SLX9: variants seen among roughly 807,000 people sequenced by gnomAD.
The protein encoded by SLX9 is ribosome biogenesis protein SLX9 homolog.
SLX9 carries 19 observed loss-of-function variants against 20.8 expected under a neutral mutation model. The observed-to-expected ratio is 0.91, with a 90% CI of 0.64 to 1.34. The LOEUF (loss-of-function observed/expected upper bound fraction) is 1.34. SLX9 is among the 40% of genes most tolerant of loss of function. The probability of loss-of-function intolerance (pLI) is 0.00; values close to 1 mark genes in which losing one functional copy is unlikely to be tolerated. For synonymous variants in SLX9, 113 were observed against 137.1 expected (o/e 0.82, Z 1.23); for missense variants, 299 against 322.2 (o/e 0.93, Z 0.55).
In SLX9 at chr21:44,969,699, C is replaced by T. The variant is rs147284397; in HGVS notation, c.500+2518C>T. On this transcript the variant is annotated intron_variant, in intron 4 of 5. Transcript: ENST00000291634. ...TGCTCTGACATGAGTGTGGTACGTT[C>T]GTCACATGGAAGGAACCAGTATCAA... is the stretch of plus-strand genomic sequence containing the variant. Among the ~76,000 whole-genome samples the T allele has an allele frequency of 1.8e-3, 267 of 152,324 alleles. 12 individuals are homozygous for T. The East Asian group carries it at 0.042, about 24-fold the overall frequency.
In SLX9 at chr21:44,940,269, CCGCGACCCCG is replaced by C. The variant is rs2084516113; in HGVS notation, c.129+84_129+93del. On this transcript the variant is annotated intron_variant, in intron 1 of 5. Coordinates refer to ENST00000291634, the MANE Select transcript of SLX9 (RefSeq NM_058190.4). ...GCGGGGCGCCGCCTCCGGGAGGGTTCCGCGACCCCGGCCTTCCCTCGGGCTCTGCGGGCAT... is the reference window on the plus strand; with the variant it reads ...GCGGGGCGCCGCCTCCGGGAGGGTTCGCCTTCCCTCGGGCTCTGCGGGCAT... The C allele has an allele frequency of 2.5e-6, 3 of 1,191,214 alleles. No homozygotes were observed. In the East Asian group the frequency reaches 1.1e-4, roughly 43 times the overall value. The allele number at this position is 1,191,214 out of a possible 1,614,324, so 73.8% of individuals were successfully genotyped here.
At chr21:44,972,376 G>C (rs146442513) in intron 4 of SLX9, among the ~76,000 whole-genome samples, 1 of 152,176 alleles carries the variant, frequency 6.6e-6, no homozygotes, top group Non-Finnish European at 1.5e-5. Flanking sequence ...GAAGCTCCGC[G>C]GGCAGCCGGA....
chr21:44,946,394 C>A (rs2084642942), intron 2 of SLX9, among the ~76,000 whole-genome samples: 1 of 152,202 alleles, frequency 6.6e-6, no homozygotes, highest in African/African-American at 2.4e-5. Context: ...TGCTTGTGTG[C>A]AGGTGTTTCC....
intron 4 of SLX9, among the ~76,000 whole-genome samples, chr21:44,970,484 G>GT (rs1177651318): frequency 2.0e-5 from 3 of 152,180 alleles, no homozygotes; most frequent in Non-Finnish European, 4.4e-5. Context: ...CAGTCCTGCT[G>GT]TTTCTCTAGG....
chr21:44,943,575 G>A, intron 1 of SLX9, 109 bp from the exon 2 acceptor site: 2 of 1,433,892 alleles, frequency 1.4e-6, no homozygotes, highest in Non-Finnish European at 9.5e-7. Context: ...GAGAAGCTGG[G>A]GAATCCAGGT....
chr21:44,948,609 G>A (rs1312590836), intron 2 of SLX9, among the ~76,000 whole-genome samples: 2 of 152,164 alleles, frequency 1.3e-5, no homozygotes, highest in East Asian at 3.9e-4. Flanking sequence ...CCCTGGAGCA[G>A]AGGATGTTGG....
rs764673084 is a variant in SLX9 at position 44,943,649 on chromosome 21, CTCT to C, written c.130-30_130-28del. On this transcript the variant is annotated intron_variant, in intron 1 of 5. Coordinates refer to ENST00000291634, the MANE Select transcript of SLX9 (RefSeq NM_058190.4). ...TGAAACCACAGAGCAAGTCTCACAC[CTCT>C]TCTTTTCGTCCGTTTTTGTTGGGGA... The C allele has an allele frequency of 3.6e-5, 58 of 1,609,400 alleles. 1 individual carries two copies. In the East Asian group the frequency reaches 4.7e-4, roughly 13 times the overall value.
At chr21:44,944,645 G>A (rs2084610709) in intron 2 of SLX9, among the ~76,000 whole-genome samples, 1 of 152,362 alleles carries the variant, frequency 6.6e-6, no homozygotes, top group African/African-American at 2.4e-5. Flanking sequence ...GAAGTCATAG[G>A]TTGGGGAGGG....
chr21:44,975,848 T>C (rs938635415), intron 5 of SLX9, among the ~76,000 whole-genome samples: 2 of 152,248 alleles, frequency 1.3e-5, no homozygotes, highest in Non-Finnish European at 2.9e-5. Context: ...CCTCTGTGGC[T>C]CTGGTGTGTG....
chr21:44,963,852 T>C (rs1263555590), intron 3 of SLX9, among the ~76,000 whole-genome samples: 1 of 152,246 alleles, frequency 6.6e-6, no homozygotes, highest in Non-Finnish European at 1.5e-5. Context: ...AAGTCCTTTT[T>C]GTTGGTTCGT....
chr21:44,952,680 C>T (rs919256112), intron 2 of SLX9, among the ~76,000 whole-genome samples: 1 of 152,214 alleles, frequency 6.6e-6, no homozygotes, highest in Admixed American at 6.5e-5. Flanking sequence ...CGGGACCCTC[C>T]CTCGTTTGGG....
intron 2 of SLX9, 47 bp from the exon 3 acceptor site, chr21:44,960,053 G>A: frequency 1.3e-6 from 2 of 1,566,348 alleles, no homozygotes; most frequent in South Asian, 1.1e-5. Context: ...GGTCATGGGA[G>A]TGCCACCTGG....
rs2084594151 is a variant in SLX9, at chr21:44,943,823, C to T, written c.269C>T (p.Pro90Leu). Residue 90 changes from proline (P) to leucine (L), a missense_variant, in exon 2 of 6, where the codon CCT (proline) becomes CTT (leucine). By Grantham distance (98) the Pro-to-Leu change is moderately conservative. Transcript: ENST00000291634. ...GEAGSSARSV[P>L]SIRRGAEAKT... ...GCAGGCTCGAGTGCACGGAGCGTCCCTTCCATCAGGAGAGGTGAGGCAGGC... is the reference window on the plus strand; with the variant it reads ...GCAGGCTCGAGTGCACGGAGCGTCCTTTCCATCAGGAGAGGTGAGGCAGGC... The T allele has an allele frequency of 1.2e-6, 2 of 1,613,008 alleles. No homozygotes were observed. The highest frequency in any genetic ancestry group is 3.3e-5 in the Admixed American group (2 of 59,994).
Position 44,976,635 on chromosome 21 carries a change from G to A in SLX9, c.570-45G>A, listed in dbSNP as rs59730475. 3.9e-3 allele frequency: 6,053 copies of A among 1,559,014 alleles called. 20 individuals carry two copies. Among genetic ancestry groups the A allele is most frequent in the Non-Finnish European group, 4.9e-3 (5,675 of 1,150,214 alleles). ...TTTCCGGGTGTTGAGGGGCTGAGGG[G>A]TCCGGGGGTTCCTGCCTGCTGATCT... On this transcript the variant is annotated intron_variant, in intron 5 of 5. Transcript: ENST00000291634.
rs535231780 is a variant in SLX9 at position 44,944,120 on chromosome 21, T to C, written c.283+283T>C. 2.0e-5 allele frequency among the ~76,000 whole-genome samples: 3 copies of C among 152,380 alleles called. No homozygotes were observed. The East Asian group carries it at 5.8e-4, about 29-fold the overall frequency. On this transcript the variant is annotated intron_variant, in intron 2 of 5. Coordinates refer to ENST00000291634, the MANE Select transcript of SLX9 (RefSeq NM_058190.4). ...TTGGGCTTTGGTGACCAACAGGGTT[T>C]GAACTGTTTTCTCCGTGTGTGCTGA...
chr21:44,940,864 G>A (rs977411289), intron 1 of SLX9, among the ~76,000 whole-genome samples: 3 of 151,712 alleles, frequency 2.0e-5, no homozygotes, highest in African/African-American at 7.3e-5. Context: ...CCTCTCTTTC[G>A]GATACTTCCA....
chr21:44,947,241 C>G (rs956239732), intron 2 of SLX9, among the ~76,000 whole-genome samples: 2 of 152,222 alleles, frequency 1.3e-5, no homozygotes, highest in Admixed American at 1.3e-4. Context: ...TTGGCCGCCA[C>G]CCTTCAATGA....
At chr21:44,951,787 G>A (rs1014709725) in intron 2 of SLX9, among the ~76,000 whole-genome samples, 44 of 152,242 alleles carry the variant, frequency 2.9e-4, no homozygotes, top group Middle Eastern at 3.4e-3. Flanking sequence ...ATCACTAACC[G>A]GGGCGGGGCA....
At chr21:44,940,928 T>G (rs988664698) in intron 1 of SLX9, among the ~76,000 whole-genome samples, 1 of 152,226 alleles carries the variant, frequency 6.6e-6, no homozygotes, top group African/African-American at 2.4e-5. Context: ...TGAGGCGCTG[T>G]TCACTCAGTT....
Sources: gnomAD v4.1 joint callset for allele counts (sites outside exome capture counted in the v4.1 genomes callset) on GRCh38, gnomAD v4.1.1 for gene constraint, MANE v1.5 for transcripts, NCBI Gene and HGNC (gene_info 2026-07-23, HGNC 2026-07-21) for gene names.